The following ACSL3 variants were observed in gnomAD, a reference collection of about 807,000 sequenced individuals.
ACSL3 encodes the protein acyl-CoA synthetase long chain family member 3.
Under a neutral mutation model 84.7 loss-of-function variants are expected in ACSL3, and 34 were observed. That is an observed-to-expected ratio of 0.40 (90% CI 0.31 to 0.53). The LOEUF (loss-of-function observed/expected upper bound fraction) is 0.53, where lower values mean the gene tolerates loss of function less well. Among genes scored for constraint, ACSL3 ranks in the 20% least tolerant of loss-of-function variants. The pLI is 0.48. For missense variants in ACSL3, 680 were observed against 873.1 expected, an observed-to-expected ratio of 0.78 and a Z score of 2.79; for synonymous variants, 315 against 299.4, an observed-to-expected ratio of 1.05 and a Z score of -0.54.
chr2:222,880,856 CCTGT>C (rs1695575953), intron 1 of ACSL3, among the ~76,000 whole-genome samples: 1 of 150,202 alleles, frequency 6.7e-6, no homozygotes, highest in African/African-American at 2.4e-5. Flanking sequence ...CAAAAAAAAA[CCTGT>C]CTATTTTTAT....
At chr2:222,933,044 G>T in intron 14 of ACSL3, 122 bp from the exon 15 acceptor site, 3 of 579,518 alleles carry the variant, frequency 5.2e-6, no homozygotes, top group Non-Finnish European at 8.8e-6. Context: ...GCTTAATTTT[G>T]CAAAGTTTTA....
chr2:222,889,750 C>T (rs2106101637), intron 2 of ACSL3, among the ~76,000 whole-genome samples: 1 of 152,260 alleles, frequency 6.6e-6, no homozygotes, highest in East Asian at 1.9e-4. Flanking sequence ...TTTCTCATAG[C>T]TACTTAAGGT....
intron 1 of ACSL3, among the ~76,000 whole-genome samples, chr2:222,877,510 TTTG>T (rs1366828306): frequency 6.6e-6 from 1 of 152,168 alleles, no homozygotes; most frequent in Non-Finnish European, 1.5e-5. Context: ...TATATTGGCA[TTTG>T]TTGTTTTTAT....
At chr2:222,882,447 T>G (rs1695613683) in intron 1 of ACSL3, among the ~76,000 whole-genome samples, 1 of 152,092 alleles carries the variant, frequency 6.6e-6, no homozygotes, top group Non-Finnish European at 1.5e-5. Flanking sequence ...TGGAAGACAG[T>G]TTTTCCATGG....
intron 2 of ACSL3, among the ~76,000 whole-genome samples, chr2:222,896,518 C>CA (rs1291525002): frequency 8.8e-5 from 1 of 11,330 alleles, no homozygotes; most frequent in Non-Finnish European, 1.4e-4. Context: ...GCTGGCCGGG[C>CA]GAGGGGCTGA....
intron 16 of ACSL3, among the ~76,000 whole-genome samples, chr2:222,935,180 G>A (rs181803487): frequency 3.2e-4 from 49 of 152,188 alleles, no homozygotes. Flanking sequence ...AAACAAGCGT[G>A]AATTATTTTT....
Position 222,900,660 on chromosome 2 carries a change from T to C in ACSL3, c.-147-14T>C, listed in dbSNP as rs1298234776. On this transcript the variant is annotated splice_polypyrimidine_tract_variant and intron_variant, in intron 2 of 16. Transcript: ENST00000357430. ...ACAGCTCTAATTCATGACTTAATTC[T>C]ATATTGTATTCAGATACAGAATTCG... 6.6e-6 allele frequency: 1 copy of C among 152,228 alleles called. No individual in the cohort carries two copies. Among genetic ancestry groups the C allele is most frequent in the Admixed American group, 6.5e-5 (1 of 15,286 alleles). 9.4% of individuals were successfully genotyped at this position (152,228 alleles called of 1,614,324 possible).
intron 1 of ACSL3, among the ~76,000 whole-genome samples, chr2:222,869,634 C>T (rs1381284849): frequency 6.6e-6 from 1 of 152,198 alleles, no homozygotes; most frequent in Admixed American, 6.5e-5. Flanking sequence ...ACAGAGAGGT[C>T]ATGTTTTGCC....
At chr2:222,934,088 C>G (rs1553600379) in intron 15 of ACSL3, among the ~76,000 whole-genome samples, 1 of 151,346 alleles carries the variant, frequency 6.6e-6, no homozygotes. Flanking sequence ...CTGATGATAA[C>G]AAAAGAAAAA....
rs180877038 is a variant in ACSL3 at position 222,878,424 on chromosome 2, C to T, written c.-206-9406C>T. On this transcript the variant is annotated intron_variant, in intron 1 of 16. Transcript: ENST00000357430. ...CCCACTGCTTGCTGTACTTTAATGT[C>T]ATTGCTGCTTATCGCCTTCTCTGCA... Among the ~76,000 whole-genome samples the T allele has an allele frequency of 3.8e-3, 582 of 152,306 alleles. 2 individuals are homozygous for T. The highest frequency in any genetic ancestry group is 0.02 in the Middle Eastern group (6 of 294).
At chr2:222,920,993 C>A (rs536027822) in intron 7 of ACSL3, 19 of 529,548 alleles carry the variant, frequency 3.6e-5, no homozygotes, top group Non-Finnish European at 5.3e-5. Context: ...TCTACAGAGA[C>A]GGTCTCCAGG....
At chr2:222,872,028 A>T (rs1390136850) in intron 1 of ACSL3, among the ~76,000 whole-genome samples, 1 of 152,148 alleles carries the variant, frequency 6.6e-6, no homozygotes, top group Non-Finnish European at 1.5e-5. Flanking sequence ...TCTAGGGAAA[A>T]ACTTAAGTAG....
intron 16 of ACSL3, 116 bp from the exon 17 acceptor site, chr2:222,941,377 ACATT>A (rs1697301707): frequency 5.7e-6 from 4 of 702,926 alleles, no homozygotes; most frequent in Non-Finnish European, 9.1e-6. Context: ...TTTAGAAGTG[ACATT>A]CATGGTTCAC....
chr2:222,930,198 G>A (rs893555515), intron 13 of ACSL3, among the ~76,000 whole-genome samples: 3 of 152,224 alleles, frequency 2.0e-5, no homozygotes, highest in Middle Eastern at 3.4e-3. Flanking sequence ...CCAAAGTGTT[G>A]TGATTACAGA....
At chr2:222,940,020 A>T (rs937052622) in intron 16 of ACSL3, among the ~76,000 whole-genome samples, 2 of 152,182 alleles carry the variant, frequency 1.3e-5, no homozygotes, top group Non-Finnish European at 2.9e-5. Flanking sequence ...TAGTTTTTTA[A>T]TATTTGTTGA....
chr2:222,882,321 G>A (rs1042958289), intron 1 of ACSL3, among the ~76,000 whole-genome samples: 2 of 152,126 alleles, frequency 1.3e-5, no homozygotes, highest in Admixed American at 1.3e-4. Flanking sequence ...AAACTTTTAA[G>A]GCCTTGTTCA....
At chr2:222,874,167 T>G (rs1695382471) in intron 1 of ACSL3, among the ~76,000 whole-genome samples, 1 of 152,026 alleles carries the variant, frequency 6.6e-6, no homozygotes. Flanking sequence ...GGATTACAGG[T>G]GCGCACCACC....
intron 1 of ACSL3, among the ~76,000 whole-genome samples, chr2:222,878,136 A>G (rs932743139): frequency 6.6e-6 from 1 of 152,206 alleles, no homozygotes; most frequent in African/African-American, 2.4e-5. Flanking sequence ...GCCACCTAGC[A>G]CAGTAATGGA....
intron 1 of ACSL3, among the ~76,000 whole-genome samples, chr2:222,866,402 C>T (rs1028123805): frequency 4.6e-5 from 7 of 152,174 alleles, no homozygotes; most frequent in African/African-American, 1.4e-4. Flanking sequence ...GCCTCGCCCT[C>T]CCAAAGTACT....
Sources: allele counts gnomAD v4.1 joint callset (sites outside exome capture counted in the v4.1 genomes callset), GRCh38; gene constraint gnomAD v4.1.1; transcripts MANE v1.5; gene names NCBI Gene and HGNC (gene_info 2026-07-23, HGNC 2026-07-21).